PCSK2: variants seen among roughly 807,000 people sequenced by gnomAD.
PCSK2 encodes neuroendocrine convertase 2.
A neutral mutation model predicts 69.7 loss-of-function variants in PCSK2; 14 were observed. That is an observed-to-expected ratio of 0.20 (90% CI 0.13 to 0.31). The LOEUF (loss-of-function observed/expected upper bound fraction) is 0.31, where lower values mean the gene tolerates loss of function less well. Among genes scored for constraint, PCSK2 ranks in the 10% least tolerant of loss-of-function variants. The pLI, the probability that PCSK2 is intolerant of heterozygous loss-of-function variation, is 1.00. For synonymous variants in PCSK2, 307 were observed against 320.7 expected (o/e 0.96, Z 0.46); for missense variants, 544 against 842.5 (o/e 0.65, Z 4.39).
At chr20:17,328,972 T>G (rs1156480046) in intron 2 of PCSK2, among the ~76,000 whole-genome samples, 1 of 152,208 alleles carries the variant, frequency 6.6e-6, no homozygotes, top group East Asian at 1.9e-4. Context: ...CAGCCTGGCT[T>G]GATGAATTAG....
intron 8 of PCSK2, among the ~76,000 whole-genome samples, chr20:17,438,209 A>G (rs1200781968): frequency 6.6e-6 from 1 of 152,268 alleles, no homozygotes; most frequent in Admixed American, 6.5e-5. Context: ...AAATGGCTAT[A>G]GAAACCAGCA....
intron 4 of PCSK2, among the ~76,000 whole-genome samples, chr20:17,364,076 A>G (rs1440296802): frequency 6.6e-6 from 1 of 152,150 alleles, no homozygotes; most frequent in Non-Finnish European, 1.5e-5. Flanking sequence ...AACATGGCAC[A>G]TGTATACACA....
intron 10 of PCSK2, chr20:17,464,444 C>A (rs1291628400): frequency 6.6e-6 from 1 of 152,146 alleles, no homozygotes; most frequent in Non-Finnish European, 1.5e-5. Flanking sequence ...AATATAATTT[C>A]TCTACCCTTG....
chr20:17,295,817 A>G (rs1600460937), intron 2 of PCSK2, among the ~76,000 whole-genome samples: 1 of 152,076 alleles, frequency 6.6e-6, no homozygotes, highest in African/African-American at 2.4e-5. Flanking sequence ...CAGTCTTTCA[A>G]AGTGGTGGGA....
chr20:17,354,074 T>A (rs990556275), intron 2 of PCSK2, among the ~76,000 whole-genome samples: 1 of 152,286 alleles, frequency 6.6e-6, no homozygotes, highest in South Asian at 2.1e-4. Context: ...GCTGATGGGA[T>A]CATTCATACC....
At position 17,268,031 on chromosome 20, in the gene PCSK2, GTGTATATATA is replaced by G. The variant is rs1300942334; in HGVS notation, c.282+7689_282+7698del. Among the ~76,000 whole-genome samples the G allele has an allele frequency of 7.8e-4, 92 of 117,960 alleles. 3 individuals are homozygous for G. Among genetic ancestry groups the G allele is most frequent in the South Asian group, 2.3e-3 (8 of 3,482 alleles). The allele number at this position is 117,960 out of a possible 152,430, so 77.4% of individuals were successfully genotyped here. A position where few individuals can be genotyped will look rare whatever the true frequency, so the allele number is the denominator to read the frequency against. ...AAGGAAATGCATTTATATATCCAAT[GTGTATATATA>G]TATATATATATATATATATATAATG... is the stretch of plus-strand genomic sequence containing the variant. On this transcript the variant is annotated intron_variant, in intron 2 of 11. Transcript: ENST00000262545.
At chr20:17,439,941 G>C (rs559992126) in intron 8 of PCSK2, among the ~76,000 whole-genome samples, 2 of 152,288 alleles carry the variant, frequency 1.3e-5, no homozygotes, top group African/African-American at 4.8e-5. Context: ...AGCACATAGG[G>C]CACCAAATGA....
At chr20:17,237,253 G>A (rs998355252) in intron 1 of PCSK2, among the ~76,000 whole-genome samples, 1 of 152,288 alleles carries the variant, frequency 6.6e-6, no homozygotes, top group Non-Finnish European at 1.5e-5. Context: ...TCCAGATAAT[G>A]ATGAAGTTCA....
intron 2 of PCSK2, among the ~76,000 whole-genome samples, chr20:17,345,830 C>T (rs1990636678): frequency 2.6e-5 from 4 of 152,160 alleles, no homozygotes; most frequent in Admixed American, 6.5e-5. Flanking sequence ...CCACCCATCT[C>T]CCCCGTTTTC....
chr20:17,336,709 T>C (rs1390491866), intron 2 of PCSK2, among the ~76,000 whole-genome samples: 2 of 152,184 alleles, frequency 1.3e-5, no homozygotes, highest in Non-Finnish European at 2.9e-5. Context: ...ATTTGCTAAT[T>C]GATAATACAG....
chr20:17,383,055 C>T (rs575550316), intron 5 of PCSK2, among the ~76,000 whole-genome samples: 4 of 152,176 alleles, frequency 2.6e-5, no homozygotes, highest in Non-Finnish European at 5.9e-5. Flanking sequence ...GATGAGGCCA[C>T]GGGGATCTGA....
At chr20:17,347,844 GA>G (rs1568612079) in intron 2 of PCSK2, among the ~76,000 whole-genome samples, 12 of 121,180 alleles carry the variant, frequency 9.9e-5, no homozygotes, top group East Asian at 4.6e-4. Flanking sequence ...AAGAAAGAAA[GA>G]AAGAAAGAAA....
At chr20:17,347,872 AAAAGAAAGAAAGAAAGAAAGAAAG>A (rs201865268) in intron 2 of PCSK2, among the ~76,000 whole-genome samples, 39,417 of 88,506 alleles carry the variant, frequency 0.45, 10,592 homozygotes, top group Admixed American at 0.5. Context: ...GGAGAGAGAA[AAAAGAAAGAAAGAAAGAAAGAAAG>A]AAAGAAAGAA....
intron 5 of PCSK2, among the ~76,000 whole-genome samples, chr20:17,374,698 C>T (rs2030871417): frequency 6.6e-6 from 1 of 152,130 alleles, no homozygotes. Flanking sequence ...AATGGGAGCT[C>T]AATCTCCCTG....
chr20:17,359,271 T>A (rs949067452), intron 3 of PCSK2, among the ~76,000 whole-genome samples: 3 of 152,232 alleles, frequency 2.0e-5, no homozygotes, highest in African/African-American at 7.2e-5. Context: ...TGACTCTGAC[T>A]TATGCTTTTT....
chr20:17,414,005 C>T (rs1316556925), intron 6 of PCSK2, among the ~76,000 whole-genome samples: 4 of 152,112 alleles, frequency 2.6e-5, no homozygotes, highest in Admixed American at 6.6e-5. Context: ...ACAAAACATA[C>T]CAGAATCTCT....
chr20:17,458,330 G>C (rs763359035), intron 10 of PCSK2, among the ~76,000 whole-genome samples: 1 of 152,098 alleles, frequency 6.6e-6, no homozygotes, highest in African/African-American at 2.4e-5. Flanking sequence ...CCAAGCAAAG[G>C]TTCAACTTCA....
intron 2 of PCSK2, among the ~76,000 whole-genome samples, chr20:17,283,612 T>G (rs930417407): frequency 1.3e-5 from 2 of 152,216 alleles, no homozygotes; most frequent in African/African-American, 4.8e-5. Context: ...TCAGGCCTAA[T>G]TTCTAATCAT....
intron 1 of PCSK2, among the ~76,000 whole-genome samples, chr20:17,258,159 G>A (rs1259700259): frequency 1.3e-5 from 2 of 152,092 alleles, no homozygotes; most frequent in Admixed American, 1.3e-4. Context: ...TATGTATTTG[G>A]CTACTGGTTT....
Sources: gnomAD v4.1 joint callset for allele counts (sites outside exome capture counted in the v4.1 genomes callset) on GRCh38, gnomAD v4.1.1 for gene constraint, MANE v1.5 for transcripts, NCBI Gene and HGNC (gene_info 2026-07-23, HGNC 2026-07-21) for gene names.